The following GARIN5B variants were observed in gnomAD, a reference collection of about 807,000 sequenced individuals.
The protein encoded by GARIN5B is golgi associated RAB2 interactor family member 5B.
chr19:55,357,163 C>T, the GARIN5B span, among the ~76,000 whole-genome samples: 1 of 152,202 alleles, frequency 6.6e-6, no homozygotes, highest in Non-Finnish European at 1.5e-5. Context: ...TCTGTCTCTA[C>T]GGGTCAGCCT....
At chr19:55,355,498 G>A in the GARIN5B span, among the ~76,000 whole-genome samples, 1 of 152,022 alleles carries the variant, frequency 6.6e-6, no homozygotes, top group African/African-American at 2.4e-5. Flanking sequence ...TATCTGCCTG[G>A]GGCAGAGTCT....
chr19:55,360,006 A>G, the GARIN5B span: 1 of 1,519,378 alleles, frequency 6.6e-7, no homozygotes, highest in Non-Finnish European at 8.8e-7. Flanking sequence ...GGGAGAGGAT[A>G]CATGGTCAGG....
chr19:55,358,667 A>C, the GARIN5B span: 9 of 1,551,308 alleles, frequency 5.8e-6, no homozygotes, highest in Non-Finnish European at 7.8e-6. Flanking sequence ...TGAAGCCATC[A>C]TTGACGTGGC....
At chr19:55,355,435 C>G in the GARIN5B span, 1 of 1,342,044 alleles carries the variant, frequency 7.5e-7, no homozygotes, top group Non-Finnish European at 1.0e-6. Context: ...AGATGCCTGG[C>G]TTAGGAGAGC....
At chr19:55,356,591 C>T in the GARIN5B span, among the ~76,000 whole-genome samples, 2 of 151,798 alleles carry the variant, frequency 1.3e-5, no homozygotes, top group Non-Finnish European at 2.9e-5. Context: ...CAGGTGTGAA[C>T]CACCAACTTT....
At chr19:55,360,925 G>A in the GARIN5B span, 13 of 1,542,510 alleles carry the variant, frequency 8.4e-6, no homozygotes, top group Non-Finnish European at 1.1e-5. Context: ...CAATACCGTG[G>A]GACTTTGGTG....
At chr19:55,358,911 C>A in the GARIN5B span, 1 of 1,551,046 alleles carries the variant, frequency 6.4e-7, no homozygotes, top group East Asian at 2.4e-5. Context: ...GGGGACCTCT[C>A]TTCAAGCTTC....
At chr19:55,357,717 C>T in the GARIN5B span, among the ~76,000 whole-genome samples, 1 of 152,176 alleles carries the variant, frequency 6.6e-6, no homozygotes, top group African/African-American at 2.4e-5. Flanking sequence ...ATCCCCACTG[C>T]CTAGAACAAT....
chr19:55,362,346 G>A, the GARIN5B span: 1 of 1,550,584 alleles, frequency 6.4e-7, no homozygotes, highest in South Asian at 1.2e-5. Context: ...TCCTGAAGCA[G>A]GTTGATGAGG....
the GARIN5B span, chr19:55,362,666 C>A: frequency 2.1e-5 from 33 of 1,546,148 alleles, no homozygotes; most frequent in Non-Finnish European, 2.6e-5. Flanking sequence ...GGCAGGGAGG[C>A]GGCCACGCCC....
At chr19:55,358,497 T>G in the GARIN5B span, 2 of 1,537,244 alleles carry the variant, frequency 1.3e-6, no homozygotes, top group African/African-American at 2.8e-5. Flanking sequence ...GGTGGCCCCT[T>G]GGGGTCCCAG....
chr19:55,355,299 G>T, the GARIN5B span: 1 of 1,549,852 alleles, frequency 6.5e-7, no homozygotes, highest in Non-Finnish European at 8.7e-7. Context: ...TCCAACTGAG[G>T]TTAAGCCCCC....
At chr19:55,359,855 C>T in the GARIN5B span, 1,046 of 1,551,522 alleles carry the variant, frequency 6.7e-4, 3 homozygotes, top group African/African-American at 0.013. Context: ...ATGCCACAGG[C>T]ACGGGTCCAG....
the GARIN5B span, among the ~76,000 whole-genome samples, chr19:55,360,478 G>GGCCTGGGCCC: frequency 6.8e-6 from 1 of 147,260 alleles, no homozygotes. Flanking sequence ...TCAGATCTAG[G>GGCCTGGGCCC]AGTCCAGGCC....
chr19:55,363,157 G>A, the GARIN5B span: 1 of 1,310,450 alleles, frequency 7.6e-7, no homozygotes, highest in East Asian at 3.0e-5. The surrounding 1 kb of genome is among the most constrained non-coding windows in gnomAD (Gnocchi z 4.0). Context: ...GACCCGTGGG[G>A]CTTCACGGGT....
At chr19:55,362,732 C>G in the GARIN5B span, 3 of 1,528,406 alleles carry the variant, frequency 2.0e-6, no homozygotes, top group Non-Finnish European at 8.8e-7. Flanking sequence ...TGATGGGTCA[C>G]CTGGGGCAGC....
the GARIN5B span, chr19:55,361,208 T>C: frequency 6.4e-7 from 1 of 1,551,184 alleles, no homozygotes; most frequent in Admixed American, 2.0e-5. Flanking sequence ...AGCCACCGTC[T>C]TATGCGGAAA....
the GARIN5B span, among the ~76,000 whole-genome samples, chr19:55,357,742 C>T: frequency 6.6e-6 from 1 of 152,172 alleles, no homozygotes; most frequent in Non-Finnish European, 1.5e-5. Context: ...GGCACAGAGT[C>T]GGCACTCACT....
At chr19:55,357,602 G>A in the GARIN5B span, among the ~76,000 whole-genome samples, 3 of 152,306 alleles carry the variant, frequency 2.0e-5, no homozygotes, top group East Asian at 3.9e-4. Context: ...GGCTGTGGTG[G>A]GGGCTGTCCT....
Sources: gnomAD v4.1 joint callset for allele counts (sites outside exome capture counted in the v4.1 genomes callset) on GRCh38, gnomAD v4.1.1 for gene constraint, Gnocchi (gnomAD v3.1) non-coding constraint, MANE v1.5 for transcripts, NCBI Gene and HGNC (gene_info 2026-07-23, HGNC 2026-07-21) for gene names.